The following CLVS1 variants were observed in gnomAD, a reference collection of about 807,000 sequenced individuals.
CLVS1 encodes clavesin-1.
CLVS1 carries 10 observed loss-of-function variants against 33.1 expected under a neutral mutation model. The ratio of observed to expected loss-of-function variants is 0.30; its 90% CI spans 0.19 to 0.51. The LOEUF (loss-of-function observed/expected upper bound fraction) is 0.51, where lower values mean the gene tolerates loss of function less well. Ranked by LOEUF, CLVS1 falls within the 20% of genes least tolerant of loss-of-function variation. CLVS1 has a pLI of 0.97. For synonymous variants in CLVS1, 163 were observed against 166.1 expected (o/e 0.98, Z 0.14); for missense variants, 343 against 433.4 (o/e 0.79, Z 1.85).
intron 3 of CLVS1, among the ~76,000 whole-genome samples, chr8:61,406,608 G>GT (rs919718677): frequency 2.7e-4 from 40 of 149,670 alleles, no homozygotes; most frequent in Non-Finnish European, 4.4e-4. Context: ...ACATAGATTT[G>GT]TTTTTTTTGT....
chr8:61,141,878 T>G (rs979461030), intron 2 of CLVS1, among the ~76,000 whole-genome samples: 1 of 152,196 alleles, frequency 6.6e-6, no homozygotes, highest in African/African-American at 2.4e-5. Flanking sequence ...AGAGTCTGTT[T>G]TTATTTTGAG....
chr8:61,097,672 C>T (rs903093824), intron 1 of CLVS1, among the ~76,000 whole-genome samples: 1 of 152,160 alleles, frequency 6.6e-6, no homozygotes, highest in Non-Finnish European at 1.5e-5. Context: ...TTTTGGAAAA[C>T]CTCATCTCCA....
intron 1 of CLVS1, among the ~76,000 whole-genome samples, chr8:61,106,373 A>T (rs1300482919): frequency 6.6e-6 from 1 of 152,236 alleles, no homozygotes; most frequent in African/African-American, 2.4e-5. Flanking sequence ...CGTTGAAGAG[A>T]TGGAGCACAG....
chr8:61,034,797 C>G, the CLVS1 span, among the ~76,000 whole-genome samples: 1 of 152,184 alleles, frequency 6.6e-6, no homozygotes, highest in East Asian at 1.9e-4. Flanking sequence ...ACAGTGTTTA[C>G]AAGAAGGAAG....
Position 61,408,190 on chromosome 8 carries a change from C to A in CLVS1, c.630+31411C>A, listed in dbSNP as rs375201225. Among the ~76,000 whole-genome samples the A allele has an allele frequency of 4.6e-5, 7 of 152,104 alleles. No individual in the cohort carries two copies. The East Asian group carries it at 9.7e-4, about 21-fold the overall frequency. ...CAAGTAAGCAAATGAATGAATGAGACCATTTCAGAGATTAGTGATAGCAAG... is the reference window on the plus strand; with the variant it reads ...CAAGTAAGCAAATGAATGAATGAGAACATTTCAGAGATTAGTGATAGCAAG... On this transcript the variant is annotated intron_variant, in intron 3 of 5. Transcript: ENST00000325897.
intron 3 of CLVS1, among the ~76,000 whole-genome samples, chr8:61,450,192 G>A (rs1365504951): frequency 6.6e-6 from 1 of 152,190 alleles, no homozygotes; most frequent in African/African-American, 2.4e-5. Context: ...TCTAAAAATT[G>A]AGTAAAGTTG....
At position 61,500,610 on chromosome 8, in the gene CLVS1, A is replaced by ACTACT. The variant is rs2129609252; in HGVS notation, c.*1070_*1074dup. On this transcript the variant is annotated 3_prime_UTR_variant, in exon 6 of 6. Transcript: ENST00000325897. Reference sequence around the variant, plus strand: ...AGTCTCCTTAGAAATGGAGTCCCCAACTACTCATTCAAAAGAAATCAGACA... The same window carrying ACTACT: ...AGTCTCCTTAGAAATGGAGTCCCCAACTACTCTACTCATTCAAAAGAAATCAGACA... The ACTACT allele has an allele frequency of 6.6e-6, 1 of 150,628 alleles. No individual in the cohort carries two copies. The highest frequency in any genetic ancestry group is 2.1e-4 in the South Asian group (1 of 4,788). The allele number at this position is 150,628 out of a possible 1,614,324, so 9.3% of individuals were successfully genotyped here. A position where few individuals can be genotyped will look rare whatever the true frequency, so the allele number is the denominator to read the frequency against.
At chr8:61,034,173 A>T in the CLVS1 span, among the ~76,000 whole-genome samples, 234 of 152,344 alleles carry the variant, frequency 1.5e-3, 1 homozygote, top group African/African-American at 5.4e-3. Context: ...GTGACTGTCA[A>T]CACTTGGACA....
intron 2 of CLVS1, among the ~76,000 whole-genome samples, chr8:61,332,785 G>A (rs1811647094): frequency 6.6e-6 from 1 of 152,114 alleles, no homozygotes; most frequent in South Asian, 2.1e-4. Flanking sequence ...GGGATTACAG[G>A]CATGCACCAC....
the CLVS1 span, among the ~76,000 whole-genome samples, chr8:61,021,447 T>A: frequency 6.6e-6 from 1 of 152,090 alleles, no homozygotes; most frequent in African/African-American, 2.4e-5. Context: ...ACCTCCCGGG[T>A]TCAAGCGATT....
chr8:61,374,994 G>A (rs1023987363), intron 2 of CLVS1, among the ~76,000 whole-genome samples: 3 of 151,986 alleles, frequency 2.0e-5, no homozygotes, highest in Non-Finnish European at 2.9e-5. Flanking sequence ...AAAAAGTCTT[G>A]CTCCCCCTTT....
chr8:61,218,371 G>T (rs1228973944), intron 2 of CLVS1, among the ~76,000 whole-genome samples: 2 of 152,142 alleles, frequency 1.3e-5, no homozygotes, highest in Non-Finnish European at 2.9e-5. Flanking sequence ...AGGAATGGAG[G>T]AGATTATGTT....
At chr8:61,480,258 T>C (rs1818134580) in intron 5 of CLVS1, among the ~76,000 whole-genome samples, 1 of 152,238 alleles carries the variant, frequency 6.6e-6, no homozygotes, top group Non-Finnish European at 1.5e-5. Context: ...GCTGCTTTGT[T>C]TACCTACTCA....
At chr8:61,232,023 G>GTTTGTTTTTTTTTTTTTTTTTTT in intron 2 of CLVS1, among the ~76,000 whole-genome samples, 2 of 62,656 alleles carry the variant, frequency 3.2e-5, no homozygotes, top group Admixed American at 3.5e-4. Flanking sequence ...GAAAGTTGTG[G>GTTTGTTTTTTTTTTTTTTTTTTT]TTTTTTTTTT....
intron 1 of CLVS1, among the ~76,000 whole-genome samples, chr8:61,057,588 A>G (rs1283401616): frequency 6.6e-6 from 1 of 152,006 alleles, no homozygotes; most frequent in Non-Finnish European, 1.5e-5. Flanking sequence ...ATATAGGCTT[A>G]TTTTGTACTT....
chr8:60,995,319 A>ATTTGTCC, the CLVS1 span, among the ~76,000 whole-genome samples: 1 of 152,062 alleles, frequency 6.6e-6, no homozygotes, highest in African/African-American at 2.4e-5. Context: ...TTACAAGAAA[A>ATTTGTCC]AAACAAACAA....
chr8:61,075,367 A>G (rs921922312), intron 1 of CLVS1, among the ~76,000 whole-genome samples: 1 of 152,212 alleles, frequency 6.6e-6, no homozygotes, highest in Non-Finnish European at 1.5e-5. Context: ...AGCACCCCCA[A>G]GTTTATCTGG....
the CLVS1 span, chr8:60,967,807 C>CT: frequency 2.5e-6 from 1 of 392,940 alleles, no homozygotes; most frequent in African/African-American, 2.1e-5. Flanking sequence ...GGGCTGCCTC[C>CT]TAGCTTTGCC....
chr8:61,248,599 T>A (rs1301091919), intron 2 of CLVS1, among the ~76,000 whole-genome samples: 1 of 152,010 alleles, frequency 6.6e-6, no homozygotes, highest in Admixed American at 6.6e-5. Flanking sequence ...TGGTTAAAAA[T>A]ACTTTTTTGA....
Sources: allele counts gnomAD v4.1 joint callset (sites outside exome capture counted in the v4.1 genomes callset), GRCh38; gene constraint gnomAD v4.1.1; transcripts MANE v1.5; gene names NCBI Gene and HGNC (gene_info 2026-07-23, HGNC 2026-07-21).